The following FTO variants were observed in gnomAD, a reference collection of about 807,000 sequenced individuals.
The protein encoded by FTO is alpha-ketoglutarate-dependent dioxygenase FTO.
FTO carries 47 observed loss-of-function variants against 63.9 expected under a neutral mutation model. The observed-to-expected ratio is 0.74, with a 90% CI of 0.58 to 0.94. FTO has a LOEUF of 0.94. FTO is among the 40% of genes least tolerant of loss of function. The pLI, the probability that FTO is intolerant of heterozygous loss-of-function variation, is 0.00. For synonymous variants in FTO, 207 were observed against 224.4 expected (o/e 0.92, Z 0.69); for missense variants, 562 against 618.1 (o/e 0.91, Z 0.96).
intron 4 of FTO, among the ~76,000 whole-genome samples, chr16:53,849,548 C>G (rs1048823079): frequency 6.6e-6 from 1 of 152,156 alleles, no homozygotes; most frequent in African/African-American, 2.4e-5. Context: ...AATATCTGGT[C>G]CATTGGTTAT....
Position 53,986,908 on chromosome 16 carries a change from G to A in FTO, c.1364+52799G>A, listed in dbSNP as rs188042886. Among the ~76,000 whole-genome samples the A allele has an allele frequency of 2.4e-3, 358 of 152,242 alleles. 4 individuals are homozygous for A. The highest frequency in any genetic ancestry group is 8.0e-3 in the African/African-American group (334 of 41,538). ...TTTGATCCTTTTCATTTAATTCTAA[G>A]TACACTTGTTATTATAGTAACTGTT... On this transcript the variant is annotated intron_variant, in intron 8 of 8. Transcript: ENST00000471389.
At chr16:54,054,047 T>G (rs1278073339) in intron 8 of FTO, among the ~76,000 whole-genome samples, 1 of 152,110 alleles carries the variant, frequency 6.6e-6, no homozygotes, top group African/African-American at 2.4e-5. Context: ...TTCTGCAGTT[T>G]AGTTATTTGT....
Position 54,113,175 on chromosome 16 carries a change from C to G in FTO, c.*1260C>G, listed in dbSNP as rs2086925991. 1.3e-5 allele frequency: 2 copies of G among 152,164 alleles called. No individual in the cohort carries two copies. The highest frequency in any genetic ancestry group is 4.8e-5 in the African/African-American group (2 of 41,404). The allele number at this position is 152,164 out of a possible 1,614,324, so 9.4% of individuals were successfully genotyped here. A position where few individuals can be genotyped will look rare whatever the true frequency, so the allele number is the denominator to read the frequency against. Reference sequence around the variant, plus strand: ...AGCTGACCTGGATGTAGATGTTTTCCTCTCTCTTGCTGACCCCTCCGCCAG... The same window carrying G: ...AGCTGACCTGGATGTAGATGTTTTCGTCTCTCTTGCTGACCCCTCCGCCAG... On this transcript the variant is annotated 3_prime_UTR_variant, in exon 9 of 9. Coordinates refer to ENST00000471389, the MANE Select transcript of FTO (RefSeq NM_001080432.3).
chr16:53,824,248 A>G (rs1303853393), intron 2 of FTO, among the ~76,000 whole-genome samples: 1 of 152,172 alleles, frequency 6.6e-6, no homozygotes, highest in Non-Finnish European at 1.5e-5. Flanking sequence ...GCCTCCTCGT[A>G]GCATGCCACT....
rs1209750032 is a variant in FTO, at chr16:53,846,929, ACT to A, written c.895+2634_895+2635del. Among the ~76,000 whole-genome samples the A allele has an allele frequency of 3.3e-5, 5 of 152,270 alleles. No homozygotes were observed. The East Asian group carries it at 9.7e-4, about 29-fold the overall frequency. The stretch of plus-strand genomic sequence containing the variant: ...TATGTGCTTATTTGAGAGAAAAGAA[ACT>A]CTGGAAAAAAGAGTCTGAAATGAAG... On this transcript the variant is annotated intron_variant, in intron 4 of 8. Transcript: ENST00000471389.
At position 54,112,927 on chromosome 16, in the gene FTO, C is replaced by G. The variant is rs2086920970; in HGVS notation, c.*1012C>G. On this transcript the variant is annotated 3_prime_UTR_variant, in exon 9 of 9. Coordinates refer to ENST00000471389, the MANE Select transcript of FTO (RefSeq NM_001080432.3). ...TGATGACATTGGAGACTCAAAGAGA[C>G]AAGAGAGAGTAGGGTTTAAAACCTG... 6.6e-6 allele frequency: 1 copy of G among 152,098 alleles called. No individual in the cohort carries two copies. The highest frequency in any genetic ancestry group is 1.5e-5 in the Non-Finnish European group (1 of 68,018). The allele number at this position is 152,098 out of a possible 1,614,324, so 9.4% of individuals were successfully genotyped here. A position where few individuals can be genotyped will look rare whatever the true frequency, so the allele number is the denominator to read the frequency against.
At chr16:53,972,566 G>T (rs1599120782) in intron 8 of FTO, among the ~76,000 whole-genome samples, 7 of 152,186 alleles carry the variant, frequency 4.6e-5, no homozygotes. Flanking sequence ...GTGACTCTCA[G>T]CTTCTTCATT....
intron 8 of FTO, among the ~76,000 whole-genome samples, chr16:54,096,197 T>C (rs1018997316): frequency 6.6e-6 from 1 of 152,224 alleles, no homozygotes; most frequent in South Asian, 2.1e-4. Context: ...AAGCATCTTC[T>C]TGATCACTGA....
chr16:53,967,499 T>G (rs902364345), intron 8 of FTO, among the ~76,000 whole-genome samples: 1 of 152,180 alleles, frequency 6.6e-6, no homozygotes, highest in Non-Finnish European at 1.5e-5. Flanking sequence ...AATCCCTTTA[T>G]GTACAGTGTG....
At chr16:54,109,524 G>T (rs1191066294) in intron 8 of FTO, among the ~76,000 whole-genome samples, 1 of 152,140 alleles carries the variant, frequency 6.6e-6, no homozygotes, top group Admixed American at 6.5e-5. Flanking sequence ...TAGAGACAGG[G>T]TTTCGCCACA....
intron 1 of FTO, among the ~76,000 whole-genome samples, chr16:53,803,892 A>C (rs2078289692): frequency 1.3e-5 from 2 of 152,220 alleles, no homozygotes; most frequent in Non-Finnish European, 2.9e-5. Context: ...GAGGCTAATT[A>C]ATATCTGGAT....
At chr16:53,818,741 C>A (rs1175650659) in intron 2 of FTO, among the ~76,000 whole-genome samples, 3 of 148,474 alleles carry the variant, frequency 2.0e-5, no homozygotes, top group Non-Finnish European at 4.5e-5. Flanking sequence ...TTACTAATTT[C>A]TTCTATGAGT....
chr16:53,941,636 C>G (rs1163107723), intron 8 of FTO, among the ~76,000 whole-genome samples: 2 of 152,144 alleles, frequency 1.3e-5, no homozygotes, highest in African/African-American at 4.8e-5. Context: ...TGCTTGAGCT[C>G]AGGAGTTCGA....
chr16:53,723,587 T>C (rs941897231), intron 1 of FTO, among the ~76,000 whole-genome samples: 1 of 152,214 alleles, frequency 6.6e-6, no homozygotes, highest in Non-Finnish European at 1.5e-5. Flanking sequence ...GACTCCTATT[T>C]AACTTTATTC....
chr16:53,886,773 A>G (rs1374904476), intron 6 of FTO: 1 of 152,206 alleles, frequency 6.6e-6, no homozygotes, highest in African/African-American at 2.4e-5. Context: ...TTAAATCTTC[A>G]CAAGTTGCTT....
chr16:53,934,851 C>T lies in FTO; in HGVS notation c.1364+742C>T, dbSNP rs1027349815. Among the ~76,000 whole-genome samples, 24 of 152,124 alleles carry T rather than the reference C, an allele frequency of 1.6e-4. 1 individual carries two copies. Among genetic ancestry groups the T allele is most frequent in the African/African-American group, 7.2e-5 (3 of 41,432 alleles). Reference sequence around the variant, plus strand: ...AAAACCTCAAAATGTTGTTACGTGGCGATGACTGTAGCCTATTTATCAACC... The same window carrying T: ...AAAACCTCAAAATGTTGTTACGTGGTGATGACTGTAGCCTATTTATCAACC... On this transcript the variant is annotated intron_variant, in intron 8 of 8. Transcript: ENST00000471389.
chr16:53,940,195 A>G (rs931356772), intron 8 of FTO, among the ~76,000 whole-genome samples: 2 of 151,664 alleles, frequency 1.3e-5, no homozygotes, highest in African/African-American at 4.8e-5. Flanking sequence ...TCCTAGTGGT[A>G]TATTATTGTG....
intron 8 of FTO, among the ~76,000 whole-genome samples, chr16:54,043,026 T>G (rs1389941335): frequency 4.9e-5 from 3 of 60,904 alleles, no homozygotes; most frequent in Non-Finnish European, 7.5e-5. Flanking sequence ...ACAGAAAAAC[T>G]GGAAACTCTA....
chr16:53,844,438 T>G, intron 4 of FTO, 140 bp downstream of exon 4: 2 of 712,736 alleles, frequency 2.8e-6, no homozygotes, highest in Non-Finnish European at 4.7e-6. Context: ...TAAGAACATG[T>G]AACTAGGTTT....
Sources: allele counts gnomAD v4.1 joint callset (sites outside exome capture counted in the v4.1 genomes callset), GRCh38; gene constraint gnomAD v4.1.1; transcripts MANE v1.5; gene names NCBI Gene and HGNC (gene_info 2026-07-23, HGNC 2026-07-21).